EPB41L4A: variants seen among roughly 807,000 people sequenced by gnomAD.
The protein encoded by EPB41L4A is erythrocyte membrane protein band 4.1 like 4A.
In EPB41L4A, 100 loss-of-function variants were observed where a neutral mutation model predicts 108.6. The observed-to-expected ratio is 0.92, with a 90% CI of 0.78 to 1.09. The LOEUF (loss-of-function observed/expected upper bound fraction) is 1.09, where lower values mean the gene tolerates loss of function less well. Ranked by LOEUF, EPB41L4A falls within the 50% of genes least tolerant of loss-of-function variation. The probability of loss-of-function intolerance (pLI) is 0.00; values close to 1 mark genes in which losing one functional copy is unlikely to be tolerated. For missense variants in EPB41L4A, 1,030 were observed against 842.7 expected, an observed-to-expected ratio of 1.22 and a Z score of -2.75; for synonymous variants, 319 against 289.0, an observed-to-expected ratio of 1.10 and a Z score of -1.05.
At chr5:112,239,547 G>T in intron 11 of EPB41L4A, 113 bp downstream of exon 11, 2 of 550,698 alleles carry the variant, frequency 3.6e-6, no homozygotes, top group Non-Finnish European at 6.2e-6. Context: ...AAACACATTG[G>T]CAATGCAAGA....
rs751878774 is a variant in EPB41L4A at position 112,209,919 on chromosome 5, T to G, written c.1151A>C (p.Lys384Thr). The G allele has an allele frequency of 1.2e-6, 2 of 1,606,604 alleles. No individual in the cohort carries two copies. The highest frequency in any genetic ancestry group is 1.7e-6 in the Non-Finnish European group (2 of 1,174,582). ...MENGENEGTI[K>T]IIAPSPVKSF... The stretch of plus-strand genomic sequence containing the variant: ...TTTTACTGGTGAAGGTGCAATAATT[T>G]TAATTGTTCCTTCATTTTCTCCATT... The change falls in exon 13 of 23, where the codon AAA becomes ACA. Residue 384 changes from lysine to threonine, a missense_variant. Physicochemically the swap from Lys to Thr is moderately conservative, Grantham distance 78. Transcript: ENST00000261486.
intron 15 of EPB41L4A, among the ~76,000 whole-genome samples, chr5:112,198,487 C>T (rs569422924): frequency 1.3e-5 from 2 of 152,240 alleles, no homozygotes; most frequent in East Asian, 1.9e-4. Context: ...ACTTTTCAAC[C>T]GATTATGTCA....
intron 12 of EPB41L4A, among the ~76,000 whole-genome samples, chr5:112,223,182 T>C (rs1748192256): frequency 2.6e-5 from 4 of 151,978 alleles, no homozygotes; most frequent in Admixed American, 1.3e-4. Context: ...TCTGGTGATC[T>C]GCCCGCCTTG....
intron 1 of EPB41L4A, among the ~76,000 whole-genome samples, chr5:112,391,529 G>GA (rs1417227028): frequency 6.6e-6 from 1 of 151,104 alleles, no homozygotes; most frequent in Admixed American, 6.6e-5. Flanking sequence ...GAAGTGTAGA[G>GA]AAAAAAGAGT....
chr5:112,319,491 G>T (rs1199320040), intron 1 of EPB41L4A, among the ~76,000 whole-genome samples: 1 of 151,966 alleles, frequency 6.6e-6, no homozygotes, highest in Non-Finnish European at 1.5e-5. Flanking sequence ...AGTACATTAG[G>T]GTCAAAGGCA....
chr5:112,250,640 G>C (rs1750593902), intron 9 of EPB41L4A: 1 of 152,152 alleles, frequency 6.6e-6, no homozygotes, highest in Non-Finnish European at 1.5e-5. Context: ...TTCTGAATAA[G>C]TGGCCCATGT....
chr5:112,381,147 C>G (rs1174291273), intron 1 of EPB41L4A, among the ~76,000 whole-genome samples: 1 of 152,196 alleles, frequency 6.6e-6, no homozygotes, highest in Non-Finnish European at 1.5e-5. Flanking sequence ...GACTATAATA[C>G]TGCTTCACAA....
intron 1 of EPB41L4A, among the ~76,000 whole-genome samples, chr5:112,352,714 A>G (rs1251721066): frequency 6.6e-6 from 1 of 152,132 alleles, no homozygotes; most frequent in Non-Finnish European, 1.5e-5. Flanking sequence ...CTGTAGTGGT[A>G]GCAGCTGTAG....
intron 1 of EPB41L4A, among the ~76,000 whole-genome samples, chr5:112,408,539 A>G (rs920234491): frequency 6.6e-6 from 1 of 151,996 alleles, no homozygotes; most frequent in Non-Finnish European, 1.5e-5. Flanking sequence ...CAATGTAAAC[A>G]GACACTTCTC....
At position 112,264,899 on chromosome 5, in the gene EPB41L4A, A is replaced by G; in HGVS notation, c.551T>C (p.Leu184Pro). ...EEAIERIHKTLMGQIPSEAEL... is the reference protein window; with the variant it reads ...EEAIERIHKTPMGQIPSEAEL... ...GACATGGTGTAATGATTCTTACATT[A>G]GAGTTTTATGAATCCTTTCTATGGC... Residue 184 changes from leucine (L) to proline (P), a missense_variant, in exon 6 of 23, where the codon CTA (leucine) becomes CCA (proline). Leu to Pro is a moderately conservative substitution (Grantham distance 98). Coordinates refer to ENST00000261486, the MANE Select transcript of EPB41L4A (RefSeq NM_022140.5). The G allele has an allele frequency of 6.2e-7, 1 of 1,610,526 alleles. No individual in the cohort carries two copies. The highest frequency in any genetic ancestry group is 8.5e-7 in the Non-Finnish European group (1 of 1,178,936).
In EPB41L4A at chr5:112,187,910, T is replaced by C. The variant is rs111723365; in HGVS notation, c.1503-3775A>G. On this transcript the variant is annotated intron_variant, in intron 17 of 22. Transcript: ENST00000261486. ...CTCCATTCCCAGCTCTGCCATTATCTGACTCAGAGACCTTGGACAAACTGC... is the reference window on the plus strand; with the variant it reads ...CTCCATTCCCAGCTCTGCCATTATCCGACTCAGAGACCTTGGACAAACTGC... Among the ~76,000 whole-genome samples the C allele has an allele frequency of 7.9e-3, 1,210 of 152,336 alleles. 20 individuals carry two copies. The highest frequency in any genetic ancestry group is 0.028 in the African/African-American group (1,144 of 41,572).
intron 12 of EPB41L4A, among the ~76,000 whole-genome samples, chr5:112,222,480 T>C (rs536087653): frequency 1.3e-5 from 2 of 152,336 alleles, no homozygotes; most frequent in African/African-American, 4.8e-5. Flanking sequence ...AGTAATGTTA[T>C]CCACTGTTTT....
intron 14 of EPB41L4A, among the ~76,000 whole-genome samples, chr5:112,204,833 T>C (rs1762394581): frequency 6.6e-6 from 1 of 152,192 alleles, no homozygotes; most frequent in Admixed American, 6.5e-5. Flanking sequence ...TCTCAGCTAA[T>C]CTTCATATCA....
At chr5:112,148,898 C>T (rs1759363848) in intron 12 of EPB41L4A, among the ~76,000 whole-genome samples, 1 of 152,184 alleles carries the variant, frequency 6.6e-6, no homozygotes, top group Non-Finnish European at 1.5e-5. Context: ...CCAGCATACA[C>T]TAAGAACTGT....
chr5:112,275,538 C>G, intron 3 of EPB41L4A, 134 bp from the exon 4 acceptor site: 1 of 1,136,310 alleles, frequency 8.8e-7, no homozygotes, highest in Non-Finnish European at 1.2e-6. Context: ...ATAAAAACAG[C>G]AAGGTTCAGA....
chr5:112,300,044 T>G (rs1355903210), intron 2 of EPB41L4A, among the ~76,000 whole-genome samples: 1 of 152,152 alleles, frequency 6.6e-6, no homozygotes, highest in Non-Finnish European at 1.5e-5. Context: ...TCCTTATATG[T>G]TAGGTGAGTC....
chr5:112,245,248 G>C (rs1278006786), intron 9 of EPB41L4A, among the ~76,000 whole-genome samples: 1 of 152,168 alleles, frequency 6.6e-6, no homozygotes, highest in Non-Finnish European at 1.5e-5. Flanking sequence ...TTATATACTT[G>C]CTAATTTAAT....
chr5:112,412,118 T>A (rs566576247), intron 1 of EPB41L4A, among the ~76,000 whole-genome samples: 1 of 152,356 alleles, frequency 6.6e-6, no homozygotes, highest in East Asian at 1.9e-4. Context: ...CCCTCTGCAG[T>A]CTCGGTCCAC....
intron 1 of EPB41L4A, among the ~76,000 whole-genome samples, chr5:112,337,638 A>T (rs1757005989): frequency 1.3e-5 from 2 of 152,182 alleles, no homozygotes. Flanking sequence ...ATTCCCTGCT[A>T]CACCATATAC....
Sources: allele counts gnomAD v4.1 joint callset (sites outside exome capture counted in the v4.1 genomes callset), GRCh38; gene constraint gnomAD v4.1.1; transcripts MANE v1.5; gene names NCBI Gene and HGNC (gene_info 2026-07-23, HGNC 2026-07-21).